The following DGLUCY variants were observed in gnomAD, a reference collection of about 807,000 sequenced individuals.
DGLUCY encodes D-glutamate cyclase.
In DGLUCY, 58 loss-of-function variants were observed where a neutral mutation model predicts 58.5. That is an observed-to-expected ratio of 0.99 (90% CI 0.80 to 1.23). The LOEUF (loss-of-function observed/expected upper bound fraction) is 1.23. DGLUCY is among the 50% of genes most tolerant of loss of function. The probability of loss-of-function intolerance (pLI) is 0.00; values close to 1 mark genes in which losing one functional copy is unlikely to be tolerated. For synonymous variants in DGLUCY, 325 were observed against 314.1 expected (o/e 1.03, Z -0.37); for missense variants, 779 against 784.7 (o/e 0.99, Z 0.09).
At chr14:91,187,068 C>G (rs770888529) in intron 8 of DGLUCY, among the ~76,000 whole-genome samples, 2 of 151,944 alleles carry the variant, frequency 1.3e-5, no homozygotes, top group African/African-American at 4.8e-5. Context: ...GGTGCGATCT[C>G]GGCTCACTGC....
chr14:91,217,627 G>A lies in DGLUCY; in HGVS notation c.1716+2071G>A, dbSNP rs1886780340. On this transcript the variant is annotated intron_variant, in intron 13 of 13. Transcript: ENST00000256324. ...AGCCTCTCGAGTAGCTGGGATTACA[G>A]GTGCCTGCCACCATGCCCAGCTAAT... Among the ~76,000 whole-genome samples the A allele has an allele frequency of 2.0e-5, 3 of 150,634 alleles. No individual in the cohort carries two copies. In the South Asian group the frequency reaches 6.2e-4, roughly 31 times the overall value.
chr14:91,178,862 C>G (rs746407063), intron 7 of DGLUCY, among the ~76,000 whole-genome samples: 8 of 151,952 alleles, frequency 5.3e-5, no homozygotes, highest in Non-Finnish European at 1.0e-4. Context: ...AAAACCCTGT[C>G]TCTACTAAAA....
In DGLUCY at chr14:91,067,096, A is replaced by G. The variant is rs190540336; in HGVS notation, c.-82+6392A>G. Among the ~76,000 whole-genome samples the G allele has an allele frequency of 8.6e-5, 13 of 151,414 alleles. 1 individual carries two copies. The highest frequency in any genetic ancestry group is 2.0e-4 in the Admixed American group (3 of 15,206). ...ACTCCATCTCAAAAAAAAAAAAAAAAAAAGAAAGAGTTATTTCATGTTGAG... is the reference window on the plus strand; with the variant it reads ...ACTCCATCTCAAAAAAAAAAAAAAAGAAAGAAAGAGTTATTTCATGTTGAG... On this transcript the variant is annotated intron_variant, in intron 1 of 4. Transcript: ENST00000521334.
chr14:91,166,233 C>T (rs1287733865), intron 3 of DGLUCY, among the ~76,000 whole-genome samples: 1 of 152,154 alleles, frequency 6.6e-6, no homozygotes, highest in East Asian at 1.9e-4. Flanking sequence ...GCTGTAGGTT[C>T]GTATGTTTTT....
chr14:91,141,553 ATTTT>A (rs71120118), intron 1 of DGLUCY, among the ~76,000 whole-genome samples: 90 of 138,118 alleles, frequency 6.5e-4, no homozygotes, highest in Non-Finnish European at 8.1e-4. Context: ...AGAGAGGTTA[ATTTT>A]TTTTTTTTTT....
intron 12 of DGLUCY, among the ~76,000 whole-genome samples, chr14:91,213,988 C>T (rs1478575462): frequency 6.6e-6 from 1 of 152,030 alleles, no homozygotes; most frequent in Non-Finnish European, 1.5e-5. Context: ...GCTTGAGCCA[C>T]CGTGCCCGGC....
chr14:91,216,836 A>G (rs1477344016), intron 13 of DGLUCY, among the ~76,000 whole-genome samples: 2 of 152,216 alleles, frequency 1.3e-5, no homozygotes, highest in African/African-American at 4.8e-5. Flanking sequence ...AGCCCAGTGC[A>G]GAGGAAGGGC....
chr14:91,172,609 C>T (rs1038436274), intron 5 of DGLUCY, among the ~76,000 whole-genome samples: 1 of 151,914 alleles, frequency 6.6e-6, no homozygotes, highest in African/African-American at 2.4e-5. Flanking sequence ...GTTTCTTAGG[C>T]TGCTACTGAG....
chr14:91,157,279 A>ATGGG (rs1370227836), intron 1 of DGLUCY, among the ~76,000 whole-genome samples: 1 of 150,796 alleles, frequency 6.6e-6, no homozygotes. Context: ...GGATGGATGG[A>ATGGG]TGGGTGGGTG....
In DGLUCY at chr14:91,175,928, C is replaced by A; in HGVS notation, c.608-6C>A. ...AGGAAATTACATTTTCCTTTTCCAT[C>A]TGCAGAACTGTTGGGAATCAAAGAG... On this transcript the variant is annotated splice_region_variant and splice_polypyrimidine_tract_variant and intron_variant, in intron 6 of 13. Transcript: ENST00000256324. 2 of 1,613,672 alleles carry A rather than the reference C, an allele frequency of 1.2e-6. No individual in the cohort carries two copies. The highest frequency in any genetic ancestry group is 1.1e-5 in the South Asian group (1 of 91,080).
chr14:91,181,773 A>C lies in DGLUCY; in HGVS notation c.934+384A>C, dbSNP rs2049184533. Among the ~76,000 whole-genome samples the C allele has an allele frequency of 2.7e-5, 4 of 149,914 alleles. No homozygotes were observed. The South Asian group carries it at 8.4e-4, about 31-fold the overall frequency. On this transcript the variant is annotated intron_variant, in intron 8 of 13. Coordinates refer to ENST00000256324, the MANE Select transcript of DGLUCY (RefSeq NM_001102368.3). ...GTGATTCTCCTGTCTCAGCCTCCTG[A>C]GTAGCTGGGATTACAGGCACGCTCC...
chr14:91,120,178 G>C (rs1351245749), intron 1 of DGLUCY, among the ~76,000 whole-genome samples: 1 of 152,050 alleles, frequency 6.6e-6, no homozygotes, highest in Non-Finnish European at 1.5e-5. Flanking sequence ...CCTCAGCCAC[G>C]CAAAAGCTGA....
chr14:91,192,761 A>G (rs1295301583), intron 9 of DGLUCY, among the ~76,000 whole-genome samples: 3 of 152,200 alleles, frequency 2.0e-5, no homozygotes, highest in Admixed American at 2.0e-4. Context: ...CCAAGATCGC[A>G]CCAATGCACT....
chr14:91,179,886 C>CTT (rs35580984), intron 7 of DGLUCY, among the ~76,000 whole-genome samples: 3,990 of 75,984 alleles, frequency 0.053, 303 homozygotes, highest in East Asian at 0.078. Context: ...ATGCTAAACA[C>CTT]TTTTTTTTTT....
exon 1 of DGLUCY, chr14:91,060,463 C>G: frequency 7.1e-7 from 1 of 1,412,226 alleles, no homozygotes; most frequent in Non-Finnish European, 9.4e-7. Context: ...TCCCGCGGGT[C>G]GCTACGAGGG....
chr14:91,187,069 G>A (rs1409759456), intron 8 of DGLUCY, among the ~76,000 whole-genome samples: 2 of 151,628 alleles, frequency 1.3e-5, no homozygotes, highest in Non-Finnish European at 2.9e-5. Context: ...GTGCGATCTC[G>A]GCTCACTGCA....
At chr14:91,192,630 T>C (rs2049967186) in intron 9 of DGLUCY, among the ~76,000 whole-genome samples, 8 of 151,932 alleles carry the variant, frequency 5.3e-5, no homozygotes, top group Admixed American at 5.2e-4. Context: ...CAAAACCCCA[T>C]TTCTACTAAA....
chr14:91,144,561 C>CA (rs1178700356), intron 1 of DGLUCY, among the ~76,000 whole-genome samples: 1 of 151,802 alleles, frequency 6.6e-6, no homozygotes, highest in African/African-American at 2.4e-5. Context: ...CTGCGTATCA[C>CA]AAAAAAAGGA....
intron 1 of DGLUCY, among the ~76,000 whole-genome samples, chr14:91,064,437 A>G (rs550527398): frequency 2.6e-5 from 4 of 152,148 alleles, no homozygotes; most frequent in African/African-American, 9.6e-5. Flanking sequence ...AGCCTGGTCA[A>G]CAAGGTGAAA....
Sources: allele counts gnomAD v4.1 joint callset (sites outside exome capture counted in the v4.1 genomes callset), GRCh38; gene constraint gnomAD v4.1.1; transcripts MANE v1.5; gene names NCBI Gene and HGNC (gene_info 2026-07-23, HGNC 2026-07-21).